Variants in CSMD1 observed in about 807,000 individuals in gnomAD.
CSMD1 encodes CUB and sushi domain-containing protein 1.
Under a neutral mutation model 417.5 loss-of-function variants are expected in CSMD1, and 213 were observed. That is an observed-to-expected ratio of 0.51 (90% CI 0.46 to 0.57). The LOEUF (loss-of-function observed/expected upper bound fraction) is 0.57, where lower values mean the gene tolerates loss of function less well. Among genes scored for constraint, CSMD1 ranks in the 20% least tolerant of loss-of-function variants. The probability of loss-of-function intolerance (pLI) is 0.00; values close to 1 mark genes in which losing one functional copy is unlikely to be tolerated. For synonymous variants in CSMD1, 2,862 were observed against 1,736.8 expected (o/e 1.65, Z -16.11); for missense variants, 6,923 against 4,529.7 (o/e 1.53, Z -15.17).
At chr8:3,985,005 C>T (rs754508805) in intron 5 of CSMD1, among the ~76,000 whole-genome samples, 1 of 151,950 alleles carries the variant, frequency 6.6e-6, no homozygotes, top group Admixed American at 6.6e-5. Flanking sequence ...GGGAAAATCA[C>T]GGATCTCATA....
At chr8:4,634,305 G>C (rs983108575) in intron 2 of CSMD1, among the ~76,000 whole-genome samples, 2 of 152,034 alleles carry the variant, frequency 1.3e-5, no homozygotes, top group Non-Finnish European at 2.9e-5. Flanking sequence ...CCAGTTACAA[G>C]GTAAGCATCA....
chr8:3,290,856 C>T (rs1280093202), intron 25 of CSMD1, among the ~76,000 whole-genome samples: 1 of 151,700 alleles, frequency 6.6e-6, no homozygotes, highest in Non-Finnish European at 1.5e-5. Context: ...GAACTTCCAA[C>T]ACTATATTGA....
At chr8:3,354,342 G>A (rs1300100532) in intron 21 of CSMD1, among the ~76,000 whole-genome samples, 1 of 152,126 alleles carries the variant, frequency 6.6e-6, no homozygotes, top group Non-Finnish European at 1.5e-5. Flanking sequence ...TGTAGAAATT[G>A]TTGTGGGGCT....
At chr8:3,371,250 G>C (rs759817274) in intron 18 of CSMD1, among the ~76,000 whole-genome samples, 66 of 152,128 alleles carry the variant, frequency 4.3e-4, no homozygotes, top group Non-Finnish European at 7.9e-4. Flanking sequence ...TGTTTCTCTG[G>C]AGCACACTGA....
chr8:3,159,000 A>G (rs1473034660), intron 38 of CSMD1, among the ~76,000 whole-genome samples: 6 of 152,000 alleles, frequency 3.9e-5, no homozygotes, highest in Admixed American at 2.0e-4. Context: ...ACTTTCTCAT[A>G]CCTCTTGATA....
At chr8:2,978,294 C>G (rs1805105014) in intron 55 of CSMD1, among the ~76,000 whole-genome samples, 1 of 152,134 alleles carries the variant, frequency 6.6e-6, no homozygotes, top group Non-Finnish European at 1.5e-5. Flanking sequence ...CTGTGTGGAC[C>G]AGGCCTACCT....
intron 1 of CSMD1, among the ~76,000 whole-genome samples, chr8:4,667,595 T>G (rs959516532): frequency 1.3e-5 from 2 of 152,204 alleles, no homozygotes; most frequent in African/African-American, 4.8e-5. Context: ...GGATTGTCCC[T>G]GAGTACTTTA....
intron 3 of CSMD1, among the ~76,000 whole-genome samples, chr8:4,121,152 T>C (rs139670773): frequency 1.6e-3 from 249 of 152,300 alleles, no homozygotes; most frequent in Admixed American, 5.0e-3. Context: ...TCTCACTCTG[T>C]TGTCCAGGCT....
chr8:4,277,845 T>G (rs1425359281), intron 3 of CSMD1, among the ~76,000 whole-genome samples: 1 of 152,132 alleles, frequency 6.6e-6, no homozygotes, highest in Non-Finnish European at 1.5e-5. Flanking sequence ...CCTCCCTGGT[T>G]CACACCATTC....
intron 26 of CSMD1, among the ~76,000 whole-genome samples, chr8:3,246,542 G>A (rs746315328): frequency 9.9e-5 from 15 of 152,016 alleles, no homozygotes; most frequent in Non-Finnish European, 1.6e-4. Flanking sequence ...CTCAGTCTGG[G>A]CTCACTGCAA....
chr8:4,792,054 G>A (rs1010855655), intron 1 of CSMD1, among the ~76,000 whole-genome samples: 1 of 152,028 alleles, frequency 6.6e-6, no homozygotes, highest in Non-Finnish European at 1.5e-5. Flanking sequence ...TCTTACCCAA[G>A]ATTCACTGCC....
At chr8:3,826,981 T>TA (rs1299678850) in intron 5 of CSMD1, among the ~76,000 whole-genome samples, 1 of 152,052 alleles carries the variant, frequency 6.6e-6, no homozygotes, top group Non-Finnish European at 1.5e-5. Flanking sequence ...AGAGTGTTGC[T>TA]ATGTTGCCCA....
chr8:3,391,784 C>A (rs951674964), intron 17 of CSMD1, among the ~76,000 whole-genome samples: 3 of 152,178 alleles, frequency 2.0e-5, no homozygotes, highest in Non-Finnish European at 4.4e-5. Flanking sequence ...TTCTGCAACA[C>A]ATTTTGTCTG....
At chr8:3,314,905 T>A (rs915826991) in intron 23 of CSMD1, among the ~76,000 whole-genome samples, 12 of 152,348 alleles carry the variant, frequency 7.9e-5, no homozygotes, top group East Asian at 3.9e-4. Flanking sequence ...GAGCTCACAG[T>A]AATGTGAGTT....
intron 2 of CSMD1, among the ~76,000 whole-genome samples, chr8:4,465,299 A>G (rs75115267): frequency 0.014 from 2,191 of 152,246 alleles, 69 homozygotes; most frequent in African/African-American, 0.05. Flanking sequence ...CCCAGACACT[A>G]GGATGTCTTG....
At chr8:4,459,605 G>T (rs1024311993) in intron 2 of CSMD1, among the ~76,000 whole-genome samples, 1 of 152,212 alleles carries the variant, frequency 6.6e-6, no homozygotes, top group East Asian at 1.9e-4. Flanking sequence ...ATAAGAGACA[G>T]AGAAGAAGAT....
chr8:3,269,348 G>A (rs941805164), intron 26 of CSMD1, among the ~76,000 whole-genome samples: 2 of 152,194 alleles, frequency 1.3e-5, no homozygotes, highest in African/African-American at 4.8e-5. Flanking sequence ...CGCTTGTCTT[G>A]TGCTGCCCTT....
chr8:3,136,062 G>C (rs1818061581), intron 41 of CSMD1, among the ~76,000 whole-genome samples: 1 of 152,014 alleles, frequency 6.6e-6, no homozygotes, highest in Non-Finnish European at 1.5e-5. Context: ...CAATCAAAGA[G>C]GGCAGACTCA....
chr8:4,394,301 C>G (rs1427694471), intron 3 of CSMD1, among the ~76,000 whole-genome samples: 2 of 151,988 alleles, frequency 1.3e-5, no homozygotes, highest in Non-Finnish European at 2.9e-5. Context: ...AAAATGTTTA[C>G]CCTCCTATGT....
Sources: gnomAD v4.1 joint callset for allele counts (sites outside exome capture counted in the v4.1 genomes callset) on GRCh38, gnomAD v4.1.1 for gene constraint, MANE v1.5 for transcripts, NCBI Gene and HGNC (gene_info 2026-07-23, HGNC 2026-07-21) for gene names.